The following NUMB variants were observed in gnomAD, a reference collection of about 807,000 sequenced individuals.
The protein encoded by NUMB is NUMB endocytic adaptor protein, also known as protein numb homolog.
NUMB carries 29 observed loss-of-function variants against 59.7 expected under a neutral mutation model. That is an observed-to-expected ratio of 0.49 (90% CI 0.36 to 0.66). The LOEUF is 0.66. Among genes scored for constraint, NUMB ranks in the 30% least tolerant of loss-of-function variants. NUMB has a pLI of 0.00. For synonymous variants in NUMB, 288 were observed against 288.2 expected (o/e 1.00, Z 0.01); for missense variants, 723 against 822.0 (o/e 0.88, Z 1.47).
rs2140038479 is a variant in NUMB, at chr14:73,363,636, T to A, written c.-16+3261A>T. Among the ~76,000 whole-genome samples the A allele has an allele frequency of 2.6e-5, 4 of 152,232 alleles. 2 individuals carry two copies. In the South Asian group the frequency reaches 8.3e-4, roughly 32 times the overall value. On this transcript the variant is annotated intron_variant, in intron 3 of 12. Transcript: ENST00000555238. Reference sequence around the variant, plus strand: ...TAAAATTATGGGCCAATTTCACCTGTGAATGAACATAGATGCAAAAATCGT... The same window carrying A: ...TAAAATTATGGGCCAATTTCACCTGAGAATGAACATAGATGCAAAAATCGT...
chr14:73,374,686 GAAACTTTTTT>G (rs1894863914), intron 2 of NUMB, among the ~76,000 whole-genome samples: 1 of 150,164 alleles, frequency 6.7e-6, no homozygotes. Context: ...ACTTTTTTAG[GAAACTTTTTT>G]TTAGCCCTTT....
At chr14:73,424,270 T>C (rs535444013) in intron 1 of NUMB, among the ~76,000 whole-genome samples, 69 of 152,338 alleles carry the variant, frequency 4.5e-4, no homozygotes, top group African/African-American at 1.6e-3. Context: ...AAGCAGTGTT[T>C]AATTTCTTCC....
At chr14:73,357,486 C>G (rs1257221530) in intron 3 of NUMB, among the ~76,000 whole-genome samples, 1 of 149,280 alleles carries the variant, frequency 6.7e-6, no homozygotes, top group Non-Finnish European at 1.5e-5. Flanking sequence ...GGGCTGGGCA[C>G]AGTGGCTCAC....
At chr14:73,322,753 A>G (rs889641844) in intron 5 of NUMB, 1 of 152,672 alleles carries the variant, frequency 6.5e-6, no homozygotes, top group African/African-American at 2.4e-5. Context: ...CTTTAGGATA[A>G]TATCTGGCCT....
chr14:73,279,985 C>T (rs1304816089), intron 11 of NUMB, among the ~76,000 whole-genome samples: 1 of 152,094 alleles, frequency 6.6e-6, no homozygotes, highest in Non-Finnish European at 1.5e-5. Context: ...GGCGAAACCC[C>T]GTCTCTACTA....
chr14:73,355,061 G>C (rs962267601), intron 4 of NUMB, among the ~76,000 whole-genome samples: 3 of 151,958 alleles, frequency 2.0e-5, no homozygotes, highest in African/African-American at 7.3e-5. Flanking sequence ...ACCTGTCTCA[G>C]GCAATACAAA....
At chr14:73,371,330 A>C (rs1003334110) in intron 2 of NUMB, among the ~76,000 whole-genome samples, 1 of 151,894 alleles carries the variant, frequency 6.6e-6, no homozygotes, top group African/African-American at 2.4e-5. Flanking sequence ...AGGTCAGGAG[A>C]TCGAGATCAT....
chr14:73,275,784 A>C lies in NUMB; in HGVS notation c.*794T>G. On this transcript the variant is annotated 3_prime_UTR_variant, in exon 13 of 13. Transcript: ENST00000555238. ...TGTTGCAATGTGCTACTTACAATGA[A>C]TGACTGACAGAAAACAAGCTAGGGA... 1 of 152,598 alleles carries C rather than the reference A, an allele frequency of 6.6e-6. No individual in the cohort carries two copies. The allele number at this position is 152,598 out of a possible 1,614,324, so 9.5% of individuals were successfully genotyped here. A position where few individuals can be genotyped will look rare whatever the true frequency, so the allele number is the denominator to read the frequency against.
chr14:73,421,402 C>A (rs944194276), intron 1 of NUMB, among the ~76,000 whole-genome samples: 5 of 152,130 alleles, frequency 3.3e-5, no homozygotes, highest in African/African-American at 1.2e-4. Context: ...CCAGGCTGGT[C>A]TTGAAGCCTC....
chr14:73,328,893 G>A (rs1339004081), intron 4 of NUMB, among the ~76,000 whole-genome samples: 1 of 152,180 alleles, frequency 6.6e-6, no homozygotes, highest in African/African-American at 2.4e-5. Flanking sequence ...CTGAGACGGA[G>A]TCTCGTTCTG....
chr14:73,313,668 G>GAAAAAAAAAAAAAAAAAAAAAAAAA (rs10582204), intron 6 of NUMB, among the ~76,000 whole-genome samples: 1 of 124,104 alleles, frequency 8.1e-6, no homozygotes, highest in African/African-American at 3.2e-5. Context: ...TCCAAAATCT[G>GAAAAAAAAAAAAAAAAAAAAAAAAA]AAAAAAAAAA....
At chr14:73,392,640 A>G (rs1452073745) in intron 2 of NUMB, among the ~76,000 whole-genome samples, 1 of 152,210 alleles carries the variant, frequency 6.6e-6, no homozygotes, top group Admixed American at 6.5e-5. Flanking sequence ...ACAGATCTCT[A>G]AGTCTAGCCA....
chr14:73,401,563 ATTTTTTTTTTT>A (rs1164847403), intron 2 of NUMB, among the ~76,000 whole-genome samples: 306 of 110,046 alleles, frequency 2.8e-3, no homozygotes, highest in Non-Finnish European at 3.8e-3. Flanking sequence ...GTAAGACTAA[ATTTTTTTTTTT>A]TTTTTTTTTT....
chr14:73,328,134 G>A (rs148747455), intron 4 of NUMB, among the ~76,000 whole-genome samples: 246 of 152,224 alleles, frequency 1.6e-3, no homozygotes, highest in African/African-American at 5.8e-3. Context: ...AAGTGGCTGG[G>A]TGTGGTGGCA....
At chr14:73,412,570 T>C (rs1185009737) in intron 1 of NUMB, among the ~76,000 whole-genome samples, 1 of 146,154 alleles carries the variant, frequency 6.8e-6, no homozygotes, top group Non-Finnish European at 1.5e-5. Flanking sequence ...GAGGTTGCAG[T>C]AAGCCGAGAT....
chr14:73,387,237 CTTGAA>C (rs1337224806), intron 2 of NUMB, among the ~76,000 whole-genome samples: 7 of 152,242 alleles, frequency 4.6e-5, no homozygotes, highest in Middle Eastern at 6.8e-3. Flanking sequence ...CTGATCCCCT[CTTGAA>C]TTGTAGTTCC....
chr14:73,391,951 A>G (rs1373748423), intron 2 of NUMB, among the ~76,000 whole-genome samples: 2 of 152,218 alleles, frequency 1.3e-5, no homozygotes, highest in East Asian at 1.9e-4. Context: ...CATTTTGTGT[A>G]TATACGGAAG....
rs1327412437 is a variant in NUMB, at chr14:73,275,954, CTATT to C, written c.*620_*623del. On this transcript the variant is annotated 3_prime_UTR_variant, in exon 13 of 13. Transcript: ENST00000555238. The stretch of plus-strand genomic sequence containing the variant: ...CATACAACTTCTTAATATCTGAGAA[CTATT>C]TAAAATATTCTAAATGCATAAAAAT... 1 of 152,640 alleles carries C rather than the reference CTATT, an allele frequency of 6.6e-6. No individual in the cohort carries two copies. Among genetic ancestry groups the C allele is most frequent in the African/African-American group, 2.4e-5 (1 of 41,442 alleles). 9.5% of individuals were successfully genotyped at this position (152,640 alleles called of 1,614,324 possible). A position where few individuals can be genotyped will look rare whatever the true frequency, so the allele number is the denominator to read the frequency against.
chr14:73,303,292 C>CA (rs150105902), intron 6 of NUMB, among the ~76,000 whole-genome samples: 11,453 of 151,938 alleles, frequency 0.075, 1,035 homozygotes, highest in African/African-American at 0.21. Context: ...AAAAAGACAA[C>CA]ATGCTGGCCA....
Sources: allele counts gnomAD v4.1 joint callset (sites outside exome capture counted in the v4.1 genomes callset), GRCh38; gene constraint gnomAD v4.1.1; transcripts MANE v1.5; gene names NCBI Gene and HGNC (gene_info 2026-07-23, HGNC 2026-07-21).